CABP4: variants seen among roughly 807,000 people sequenced by gnomAD.
CABP4 encodes calcium-binding protein 4.
Under a neutral mutation model 30.7 loss-of-function variants are expected in CABP4, and 30 were observed. That is an observed-to-expected ratio of 0.98 (90% CI 0.73 to 1.33). The LOEUF is 1.33. Ranked by LOEUF, CABP4 falls within the 40% of genes most tolerant of loss-of-function variation. The pLI, the probability that CABP4 is intolerant of heterozygous loss-of-function variation, is 0.00. For missense variants in CABP4, 424 were observed against 395.5 expected, an observed-to-expected ratio of 1.07 and a Z score of -0.61; for synonymous variants, 161 against 159.2, an observed-to-expected ratio of 1.01 and a Z score of -0.08.
rs1258425824 is a variant in CABP4 at position 67,459,674 on chromosome 11, G to C, written c.*1015G>C. On this transcript the variant is annotated 3_prime_UTR_variant, in exon 6 of 6. Transcript: ENST00000325656. ...ATAAAAATTACAGATTATTGGGCTG[G>C]GAGTGGTGGCTCACGCCTGTAATCC... is the stretch of plus-strand genomic sequence containing the variant. 1.3e-5 allele frequency: 2 copies of C among 152,248 alleles called. No homozygotes were observed. Among genetic ancestry groups the C allele is most frequent in the Non-Finnish European group, 2.9e-5 (2 of 68,058 alleles). The allele number at this position is 152,248 out of a possible 1,614,324, so 9.4% of individuals were successfully genotyped here.
upstream of CABP4, chr11:67,455,313 C>T (rs1214398051): frequency 4.3e-5 from 62 of 1,425,408 alleles, no homozygotes; most frequent in South Asian, 5.8e-5. Flanking sequence ...CCTCAGAGCC[C>T]GATCCTAGGC....
upstream of CABP4, among the ~76,000 whole-genome samples, chr11:67,454,299 G>A (rs1296656436): frequency 6.6e-6 from 1 of 152,170 alleles, no homozygotes; most frequent in Non-Finnish European, 1.5e-5. Context: ...GTCTGGGGAG[G>A]GAACGGATGC....
rs1565161779 is a variant in CABP4, at chr11:67,456,378, G to A, written c.477G>A (p.Arg159=). 3 of 1,610,960 alleles carry A rather than the reference G, an allele frequency of 1.9e-6. No individual in the cohort carries two copies. Among genetic ancestry groups the A allele is most frequent in the Non-Finnish European group, 2.5e-6 (3 of 1,179,102 alleles). Residue 159 remains arginine, a synonymous_variant, in exon 3 of 6, where the codon CGG becomes CGA. Coordinates refer to ENST00000325656, the MANE Select transcript of CABP4 (RefSeq NM_145200.5). ...ISHRELGDCM[R]TLGYMPTEME... is the part of the protein sequence containing the mutation. ...ACCGGGAGCTGGGTGACTGCATGCG[G>A]ACCCTGGGCTACATGCCCACCGAGA...
Position 67,459,083 on chromosome 11 carries a change from C to T in CABP4, c.*424C>T, listed in dbSNP as rs1265204938. On this transcript the variant is annotated 3_prime_UTR_variant, in exon 6 of 6. Coordinates refer to ENST00000325656, the MANE Select transcript of CABP4 (RefSeq NM_145200.5). ...AACTTGAGCCGGGTGCAGTGGCTCACACCTGTAAGCCCAGCTGTCAGGGGG... is the reference window on the plus strand; with the variant it reads ...AACTTGAGCCGGGTGCAGTGGCTCATACCTGTAAGCCCAGCTGTCAGGGGG... 3.1e-5 allele frequency: 7 copies of T among 229,102 alleles called. No individual in the cohort carries two copies. Among genetic ancestry groups the T allele is most frequent in the Non-Finnish European group, 6.2e-5 (7 of 113,816 alleles). 14.2% of individuals were successfully genotyped at this position (229,102 alleles called of 1,614,324 possible).
chr11:67,457,782 C>T (rs918260851), intron 4 of CABP4, 100 bp downstream of exon 4: 15 of 978,586 alleles, frequency 1.5e-5, no homozygotes, highest in Non-Finnish European at 2.1e-5. Context: ...TAGAGCCCTG[C>T]AGGCGGTGGG....
chr11:67,454,504 C>T (rs895910030), upstream of CABP4, among the ~76,000 whole-genome samples: 3 of 150,942 alleles, frequency 2.0e-5, no homozygotes, highest in South Asian at 2.1e-4. Context: ...AGGCAGAGGC[C>T]GATGGGTGGA....
upstream of CABP4, chr11:67,455,287 C>T: frequency 3.2e-6 from 4 of 1,249,410 alleles, no homozygotes; most frequent in Non-Finnish European, 4.4e-6. Flanking sequence ...CTGCCTGCCT[C>T]ACTTACCCTA....
chr11:67,452,986 C>T (rs1460863982), upstream of CABP4: 2 of 406,772 alleles, frequency 4.9e-6, no homozygotes, highest in Non-Finnish European at 8.7e-6. Context: ...AGGGAGGTGC[C>T]AGGGCTCAAC....
intron 2 of CABP4, 40 bp from the exon 3 acceptor site, chr11:67,456,259 C>T (rs1216097882): frequency 1.2e-6 from 2 of 1,613,524 alleles, no homozygotes; most frequent in South Asian, 1.1e-5. Context: ...GGAGCTGTCC[C>T]TGAGCCTGGC....
At chr11:67,455,304 C>A, upstream of CABP4, 1 of 1,398,748 alleles carries the variant, frequency 7.1e-7, no homozygotes, top group Non-Finnish European at 9.6e-7. Context: ...CCTAATCCCC[C>A]TCAGAGCCCG....
rs1049338014 is a variant in CABP4 at position 67,460,483 on chromosome 11, C to T, written c.*1824C>T. ...TCAAAAAGAAAAAAACAAACCATGG[C>T]TTCTGTTAAAAAAATAAAGTATATT... On this transcript the variant is annotated 3_prime_UTR_variant, in exon 6 of 6. Transcript: ENST00000325656. Among the ~76,000 whole-genome samples, 1 of 150,052 alleles carries T rather than the reference C, an allele frequency of 6.7e-6. No individual in the cohort carries two copies. The highest frequency in any genetic ancestry group is 1.5e-5 in the Non-Finnish European group (1 of 67,612).
rs1865017621 is a variant in CABP4, at chr11:67,461,614, T to G, written c.*2955T>G. ...AAACTTTCTGTAAAGGGCTGGAGAATAATTATTTTCAGCTTTGAGGCTTTG... is the reference window on the plus strand; with the variant it reads ...AAACTTTCTGTAAAGGGCTGGAGAAGAATTATTTTCAGCTTTGAGGCTTTG... On this transcript the variant is annotated 3_prime_UTR_variant, in exon 6 of 6. Transcript: ENST00000325656. 1 of 152,230 alleles carries G rather than the reference T, an allele frequency of 6.6e-6. No homozygotes were observed. Among genetic ancestry groups the G allele is most frequent in the South Asian group, 2.1e-4 (1 of 4,834 alleles). 9.4% of individuals were successfully genotyped at this position (152,230 alleles called of 1,614,324 possible).
In CABP4 at chr11:67,457,590, T is replaced by G; in HGVS notation, c.559T>G (p.Phe187Val). The G allele has an allele frequency of 6.3e-7, 1 of 1,597,090 alleles. No homozygotes were observed. Among genetic ancestry groups the G allele is most frequent in the Non-Finnish European group, 8.5e-7 (1 of 1,171,822 alleles). ...GTCTGCAGTGGGCGGCCGTGTGGAC[T>G]TTGAGGAGTTTGTAGAACTGATAGG... The part of the protein sequence containing the change: ...IKMRMGGRVD[F>V]EEFVELIGPK... The change falls in exon 4 of 6, where the codon TTT becomes GTT. Residue 187 changes from phenylalanine (F) to valine (V), a missense_variant. Transcript: ENST00000325656.
In CABP4 at chr11:67,455,691, C is replaced by A; in HGVS notation, c.268C>A (p.Pro90Thr). The change falls in exon 1 of 6, where the codon CCG becomes ACG. Residue 90 changes from proline to threonine, a missense_variant. By Grantham distance (38) the Pro-to-Thr change is conservative. Coordinates refer to ENST00000325656, the MANE Select transcript of CABP4 (RefSeq NM_145200.5). The part of the protein sequence containing the change: ...PAGAPPASPG[P>T]ASSRQSHRHR... ...GGGCGCACCCCCTGCATCCCCTGGG[C>A]CGGCCTCTTCTCGCCAGTCCCACCG... 1 of 1,607,844 alleles carries A rather than the reference C, an allele frequency of 6.2e-7. No individual in the cohort carries two copies. The highest frequency in any genetic ancestry group is 8.5e-7 in the Non-Finnish European group (1 of 1,178,458).
upstream of CABP4, among the ~76,000 whole-genome samples, chr11:67,454,146 G>A (rs775564386): frequency 6.6e-6 from 1 of 152,184 alleles, no homozygotes; most frequent in Non-Finnish European, 1.5e-5. Flanking sequence ...CAGTGGGATG[G>A]TGGTGGGATG....
At position 67,458,690 on chromosome 11, in the gene CABP4, C is replaced by A. The variant is rs529589052; in HGVS notation, c.*31C>A. The A allele has an allele frequency of 2.0e-5, 32 of 1,613,124 alleles. No homozygotes were observed. In the East Asian group the frequency reaches 6.5e-4, roughly 33 times the overall value. ...CAGGAGGGAATATCTGTTGCCCCTG[C>A]GGCCCCAGACACCAGCCAGACCCAG... is the stretch of plus-strand genomic sequence containing the variant. On this transcript the variant is annotated 3_prime_UTR_variant, in exon 6 of 6. Transcript: ENST00000325656.
intron 4 of CABP4, 86 bp from the exon 5 acceptor site, chr11:67,458,275 TAAATAAAATA>T (rs140897826): frequency 2.0e-6 from 2 of 1,009,222 alleles, no homozygotes; most frequent in East Asian, 3.5e-5. Flanking sequence ...AAAATAAAAA[TAAATAAAATA>T]AAATAAAATA....
intron 3 of CABP4, among the ~76,000 whole-genome samples, chr11:67,457,235 G>C (rs1018269072): frequency 6.6e-6 from 1 of 152,110 alleles, no homozygotes; most frequent in Non-Finnish European, 1.5e-5. Context: ...CATGGAGTAG[G>C]CTCCTCACCC....
upstream of CABP4, among the ~76,000 whole-genome samples, chr11:67,454,613 G>T (rs1236316224): frequency 1.3e-5 from 2 of 152,216 alleles, no homozygotes; most frequent in Non-Finnish European, 2.9e-5. Flanking sequence ...GCTAAGGCGG[G>T]TGGGCAGGAA....
Sources: allele counts gnomAD v4.1 joint callset (sites outside exome capture counted in the v4.1 genomes callset), GRCh38; gene constraint gnomAD v4.1.1; transcripts MANE v1.5; gene names NCBI Gene and HGNC (gene_info 2026-07-23, HGNC 2026-07-21).